VEPH1: variants seen among roughly 807,000 people sequenced by gnomAD.
VEPH1 encodes ventricular zone-expressed PH domain-containing protein homolog 1.
Under a neutral mutation model 85.2 loss-of-function variants are expected in VEPH1, and 80 were observed. The ratio of observed to expected loss-of-function variants is 0.94; its 90% CI spans 0.78 to 1.13. The LOEUF (loss-of-function observed/expected upper bound fraction) is 1.13, where lower values mean the gene tolerates loss of function less well. VEPH1 is among the 50% of genes most tolerant of loss of function. The pLI is 0.00. For synonymous variants in VEPH1, 297 were observed against 348.0 expected (o/e 0.85, Z 1.63); for missense variants, 955 against 980.5 (o/e 0.97, Z 0.35).
At chr3:157,347,415 C>G (rs899958775) in intron 9 of VEPH1, among the ~76,000 whole-genome samples, 1 of 152,156 alleles carries the variant, frequency 6.6e-6, no homozygotes, top group Non-Finnish European at 1.5e-5. Context: ...GAAGATGGCC[C>G]AAAGTCCAAT....
At position 157,309,758 on chromosome 3, in the gene VEPH1, AATTT is replaced by A. The variant is rs1024771449; in HGVS notation, c.2010+3859_2010+3862del. 4.1e-4 allele frequency among the ~76,000 whole-genome samples: 63 copies of A among 151,880 alleles called. 1 individual carries two copies. Among genetic ancestry groups the A allele is most frequent in the South Asian group, 4.2e-4 (2 of 4,808 alleles). ...ATAGTTTGCAAAAGATAATTGATTG[AATTT>A]ATTTATTTATTATTTTATTTTATTT... is the stretch of plus-strand genomic sequence containing the variant. On this transcript the variant is annotated intron_variant, in intron 11 of 13. Transcript: ENST00000362010.
At chr3:157,272,934 A>C (rs145610145) in intron 12 of VEPH1, among the ~76,000 whole-genome samples, 135 of 152,328 alleles carry the variant, frequency 8.9e-4, no homozygotes, top group African/African-American at 3.1e-3. Flanking sequence ...ACTAGACCAA[A>C]GTACGCCTAC....
At chr3:157,345,755 C>T (rs1443264779) in intron 9 of VEPH1, among the ~76,000 whole-genome samples, 3 of 152,112 alleles carry the variant, frequency 2.0e-5, no homozygotes, top group Non-Finnish European at 4.4e-5. Flanking sequence ...GCACTATTCA[C>T]AATAGCAAAG....
chr3:157,327,975 G>A (rs1722107940), intron 9 of VEPH1, among the ~76,000 whole-genome samples: 1 of 152,152 alleles, frequency 6.6e-6, no homozygotes, highest in South Asian at 2.1e-4. Flanking sequence ...CAAGGTGGTG[G>A]TTAGGAACAC....
At chr3:157,468,831 A>G (rs938208063) in intron 3 of VEPH1, among the ~76,000 whole-genome samples, 4 of 152,142 alleles carry the variant, frequency 2.6e-5, no homozygotes, top group African/African-American at 9.7e-5. Flanking sequence ...TGTACAGTTC[A>G]GTGGTAATAA....
chr3:157,494,441 C>T (rs2109750674), intron 2 of VEPH1, among the ~76,000 whole-genome samples: 1 of 152,280 alleles, frequency 6.6e-6, no homozygotes, highest in East Asian at 1.9e-4. Flanking sequence ...CAAGTACAAT[C>T]AAGAAGGTCA....
At chr3:157,468,102 C>T (rs1432480533) in intron 3 of VEPH1, among the ~76,000 whole-genome samples, 1 of 152,174 alleles carries the variant, frequency 6.6e-6, no homozygotes, top group Admixed American at 6.6e-5. Flanking sequence ...TACTTTTGCA[C>T]AAGCTGTTTT....
intron 9 of VEPH1, among the ~76,000 whole-genome samples, chr3:157,362,748 T>C (rs961543413): frequency 1.3e-5 from 2 of 152,232 alleles, no homozygotes; most frequent in Non-Finnish European, 2.9e-5. Flanking sequence ...GTTCTGGGCA[T>C]GTTTAACGTA....
chr3:157,407,260 T>G (rs1731215398), intron 6 of VEPH1, among the ~76,000 whole-genome samples: 1 of 152,072 alleles, frequency 6.6e-6, no homozygotes, highest in African/African-American at 2.4e-5. Flanking sequence ...AGTTTAAGAG[T>G]TTTTAAAAAA....
chr3:157,346,035 G>T (rs974199818), intron 9 of VEPH1, among the ~76,000 whole-genome samples: 4 of 151,630 alleles, frequency 2.6e-5, no homozygotes, highest in African/African-American at 9.7e-5. Context: ...GTCGTGGGGT[G>T]GGGGAGGGGG....
At chr3:157,319,811 A>G (rs1420549733) in intron 9 of VEPH1, among the ~76,000 whole-genome samples, 1 of 152,186 alleles carries the variant, frequency 6.6e-6, no homozygotes, top group Non-Finnish European at 1.5e-5. Flanking sequence ...CCAGCTTTTT[A>G]TACACAACCC....
chr3:157,330,795 C>T (rs1383243653), intron 9 of VEPH1, among the ~76,000 whole-genome samples: 1 of 152,162 alleles, frequency 6.6e-6, no homozygotes, highest in Non-Finnish European at 1.5e-5. Context: ...CATCCAGAAC[C>T]AAGGGAGGCA....
chr3:157,452,207 G>C (rs1253006739), intron 4 of VEPH1, among the ~76,000 whole-genome samples: 1 of 152,126 alleles, frequency 6.6e-6, no homozygotes, highest in African/African-American at 2.4e-5. Flanking sequence ...GCCAAGCAGA[G>C]CGGGGGTCTG....
chr3:157,336,997 A>G (rs1040397595), intron 9 of VEPH1, among the ~76,000 whole-genome samples: 8 of 152,216 alleles, frequency 5.3e-5, no homozygotes, highest in Non-Finnish European at 1.2e-4. Context: ...ATAATATTGT[A>G]AGACATAATA....
chr3:157,317,076 A>G lies in VEPH1; in HGVS notation c.1861T>C (p.Phe621Leu), dbSNP rs759097393. ...QEPQPWIQIM[F>L]LFQQSLFPEP... Reference sequence around the variant, plus strand: ...ATTATACAAACCTGCTGAAATAGAAACATGATCTGGATCCATGGCTGAGGT... The same window carrying G: ...ATTATACAAACCTGCTGAAATAGAAGCATGATCTGGATCCATGGCTGAGGT... Residue 621 changes from phenylalanine to leucine, a missense_variant, in exon 10 of 14, where the codon TTT (phenylalanine) becomes CTT (leucine). Coordinates refer to ENST00000362010, the MANE Select transcript of VEPH1 (RefSeq NM_001167912.2). 3.3e-5 allele frequency: 54 copies of G among 1,612,580 alleles called. No homozygotes were observed. The Admixed American group carries it at 4.3e-4, about 13-fold the overall frequency.
intron 6 of VEPH1, among the ~76,000 whole-genome samples, chr3:157,387,932 T>C (rs1369423538): frequency 1.3e-5 from 2 of 152,336 alleles, no homozygotes; most frequent in Admixed American, 1.3e-4. Context: ...AATTTGCTGA[T>C]GTAGGAAATG....
chr3:157,307,064 A>G (rs749661526), intron 11 of VEPH1, among the ~76,000 whole-genome samples: 1 of 152,022 alleles, frequency 6.6e-6, no homozygotes, highest in Non-Finnish European at 1.5e-5. Flanking sequence ...CACATTTTAT[A>G]TACTGTAATA....
rs1221964321 is a variant in VEPH1, at chr3:157,314,911, G to A, written c.1876-1156C>T. Among the ~76,000 whole-genome samples the A allele has an allele frequency of 5.3e-5, 8 of 152,122 alleles. No homozygotes were observed. The East Asian group carries it at 1.5e-3, about 29-fold the overall frequency. ...TGTGTTTGTATATTTACTAATCAAT[G>A]ATGTGTCTAATAATCATTTACATGT... On this transcript the variant is annotated intron_variant, in intron 10 of 13. Coordinates refer to ENST00000362010, the MANE Select transcript of VEPH1 (RefSeq NM_001167912.2).
rs371510154 is a variant in VEPH1 at position 157,424,577 on chromosome 3, A to C, written c.696+3745T>G. Reference sequence around the variant, plus strand: ...GATAGGGATATAGACAATAAGGTCCAGGCTGAGGTGGTCTCAGATGGAGAT... The same window carrying C: ...GATAGGGATATAGACAATAAGGTCCCGGCTGAGGTGGTCTCAGATGGAGAT... On this transcript the variant is annotated intron_variant, in intron 5 of 13. Transcript: ENST00000362010. Among the ~76,000 whole-genome samples the C allele has an allele frequency of 1.6e-4, 24 of 152,374 alleles. No individual in the cohort carries two copies. The East Asian group carries it at 4.6e-3, about 29-fold the overall frequency.
Sources: allele counts gnomAD v4.1 joint callset (sites outside exome capture counted in the v4.1 genomes callset), GRCh38; gene constraint gnomAD v4.1.1; transcripts MANE v1.5; gene names NCBI Gene and HGNC (gene_info 2026-07-23, HGNC 2026-07-21).